Variants in IFIT3 observed in about 807,000 individuals in gnomAD.
IFIT3 encodes interferon induced protein with tetratricopeptide repeats 3.
A neutral mutation model predicts 2.4 loss-of-function variants in IFIT3; 2 were observed. The observed-to-expected ratio is 0.82, with a 90% CI of 0.34 to 2.60. The LOEUF (loss-of-function observed/expected upper bound fraction) is 2.60, where lower values mean the gene tolerates loss of function less well. Among genes scored for constraint, IFIT3 ranks in the 30% most tolerant of loss-of-function variants. The pLI is 0.11. For missense variants in IFIT3, 481 were observed against 562.4 expected (o/e 0.86, Z 1.46); for synonymous variants, 203 against 212.1 (o/e 0.96, Z 0.37).
intron 1 of IFIT3, among the ~76,000 whole-genome samples, chr10:89,333,047 G>C (rs1022565292): frequency 6.6e-6 from 1 of 152,190 alleles, no homozygotes; most frequent in African/African-American, 2.4e-5. Context: ...TTGCTTCTCA[G>C]CAAATGTGTC....
At position 89,339,729 on chromosome 10, in the gene IFIT3, A is replaced by G. The variant is rs1022747660; in HGVS notation, c.1074A>G (p.Gln358=). 5 of 1,614,096 alleles carry G rather than the reference A, an allele frequency of 3.1e-6. No individual in the cohort carries two copies. The highest frequency in any genetic ancestry group is 4.2e-6 in the Non-Finnish European group (5 of 1,180,032). ...FNKEVPDAEK[Q]QSHQRYCNLQ... ...AGGAAGTCCCTGATGCTGAAAAGCA[A>G]CAATCCCATCAGCGCTACTGCAACC... The change falls in exon 2 of 2, where the codon CAA becomes CAG. Residue 358 remains glutamine, a synonymous_variant. Transcript: ENST00000371818.
chr10:89,338,890 G>C lies in IFIT3; in HGVS notation c.235G>C (p.Glu79Gln). Residue 79 changes from glutamate to glutamine, a missense_variant, in exon 2 of 2, where the codon GAG (glutamate) becomes CAG (glutamine). Transcript: ENST00000371818. ...AALECLRQAE[E>Q]LIQQEHADQA... Reference sequence around the variant, plus strand: ...CCTGGAATGCTTACGGCAAGCTGAAGAGTTAATCCAGCAAGAACATGCTGA... The same window carrying C: ...CCTGGAATGCTTACGGCAAGCTGAACAGTTAATCCAGCAAGAACATGCTGA... 2 of 1,614,164 alleles carry C rather than the reference G, an allele frequency of 1.2e-6. No homozygotes were observed. The highest frequency in any genetic ancestry group is 8.5e-7 in the Non-Finnish European group (1 of 1,180,020).
In IFIT3 at chr10:89,328,047, G is replaced by A. The variant is rs1136864; in HGVS notation, c.-27G>A. 2.5e-6 allele frequency: 4 copies of A among 1,613,802 alleles called. No homozygotes were observed. The highest frequency in any genetic ancestry group is 2.5e-6 in the Non-Finnish European group (3 of 1,179,760). ...AAATCAGCCTGGTCACCAGCTTTTC[G>A]GAACAGCAGAGACACAGAGGGCAGT... On this transcript the variant is annotated 5_prime_UTR_variant, in exon 1 of 2. Transcript: ENST00000371818.
chr10:89,334,682 G>A (rs1337215473), intron 1 of IFIT3, among the ~76,000 whole-genome samples: 2 of 150,588 alleles, frequency 1.3e-5, no homozygotes, highest in Admixed American at 6.6e-5. Context: ...TAGTACAGGC[G>A]GGGTTTCATC....
In IFIT3 at chr10:89,338,329, G is replaced by A. The variant is rs1030492405; in HGVS notation, c.6-332G>A. 1.5e-4 allele frequency: 31 copies of A among 213,006 alleles called. 1 individual carries two copies. The highest frequency in any genetic ancestry group is 7.1e-4 in the African/African-American group (31 of 43,892). The allele number at this position is 213,006 out of a possible 1,614,324, so 13.2% of individuals were successfully genotyped here. ...GCCAATGGTGAAAGTTCTAGTCCAAGTCTAGTCTAAGGGCAGAAAAAGACC... is the reference window on the plus strand; with the variant it reads ...GCCAATGGTGAAAGTTCTAGTCCAAATCTAGTCTAAGGGCAGAAAAAGACC... On this transcript the variant is annotated intron_variant, in intron 1 of 1. Transcript: ENST00000371818.
intron 1 of IFIT3, among the ~76,000 whole-genome samples, chr10:89,330,183 G>C (rs1373844488): frequency 6.6e-6 from 1 of 152,188 alleles, no homozygotes. Flanking sequence ...CTGACAAGTG[G>C]GCACTGTGTT....
intron 1 of IFIT3, among the ~76,000 whole-genome samples, chr10:89,334,289 C>T (rs903668024): frequency 7.2e-5 from 11 of 151,962 alleles, no homozygotes; most frequent in African/African-American, 2.4e-4. Flanking sequence ...GCAGCACTAG[C>T]TTTAACTGCT....
intron 1 of IFIT3, among the ~76,000 whole-genome samples, chr10:89,329,946 G>GT (rs1370401590): frequency 6.6e-6 from 1 of 152,178 alleles, no homozygotes; most frequent in Non-Finnish European, 1.5e-5. Context: ...AAGGGGGGTT[G>GT]TTCTCTGGTG....
In IFIT3 at chr10:89,333,558, G is replaced by A. The variant is rs76823443; in HGVS notation, c.6-5103G>A. Among the ~76,000 whole-genome samples, 1,158 of 152,270 alleles carry A rather than the reference G, an allele frequency of 7.6e-3. 32 individuals carry two copies. In the East Asian group the frequency reaches 0.093, roughly 12 times the overall value. ...TTGAAATAAAGCAAAGCTTGTTTCTGGGCACAGTGGCTAAGCCTGTAATCC... is the reference window on the plus strand; with the variant it reads ...TTGAAATAAAGCAAAGCTTGTTTCTAGGCACAGTGGCTAAGCCTGTAATCC... On this transcript the variant is annotated intron_variant, in intron 1 of 1. Transcript: ENST00000371818.
At chr10:89,328,188 A>G (rs958439965) in intron 1 of IFIT3, 110 bp downstream of exon 1, 5 of 1,078,416 alleles carry the variant, frequency 4.6e-6, no homozygotes, top group Admixed American at 3.6e-5. Flanking sequence ...TATAGATTCA[A>G]TATGTCTTTA....
At chr10:89,338,334 G>A (rs1398740371) in intron 1 of IFIT3, 3 of 228,996 alleles carry the variant, frequency 1.3e-5, no homozygotes, top group Non-Finnish European at 2.6e-5. Context: ...TCCAAGTCTA[G>A]TCTAAGGGCA....
chr10:89,328,816 G>A (rs116452427), intron 1 of IFIT3, among the ~76,000 whole-genome samples: 2,933 of 152,222 alleles, frequency 0.019, 42 homozygotes, highest in African/African-American at 0.037. Context: ...CTCTAATGGT[G>A]GGAAGCAGAT....
intron 1 of IFIT3, chr10:89,332,640 T>G: frequency 6.2e-7 from 1 of 1,613,554 alleles, no homozygotes; most frequent in Non-Finnish European, 8.5e-7. Context: ...AAATAGTCCC[T>G]GCTTCTCTGA....
chr10:89,332,477 G>C, intron 1 of IFIT3: 1 of 1,530,676 alleles, frequency 6.5e-7, no homozygotes, highest in South Asian at 1.3e-5. Flanking sequence ...GGTTCCATCA[G>C]TTTCACTTTC....
rs767501165 is a variant in IFIT3, at chr10:89,339,933, G to A, written c.1278G>A (p.Lys426=). The change falls in exon 2 of 2, where the codon AAG becomes AAA. Residue 426 remains lysine (K), a synonymous_variant. Transcript: ENST00000371818. ...NYWYLQGLIH[K]QNGDLLQAAK... ...GGTATCTTCAAGGATTAATTCATAA[G>A]CAGAATGGAGATCTGCTGCAAGCAG... 7 of 1,614,192 alleles carry A rather than the reference G, an allele frequency of 4.3e-6. No individual in the cohort carries two copies. Among genetic ancestry groups the A allele is most frequent in the Middle Eastern group, 1.7e-4 (1 of 6,060 alleles).
rs10540155 is a variant in IFIT3, at chr10:89,331,858, CAA to C, written c.5+3802_5+3803del. Among the ~76,000 whole-genome samples the C allele has an allele frequency of 4.3e-3, 346 of 80,588 alleles. 1 individual carries two copies. The highest frequency in any genetic ancestry group is 0.012 in the African/African-American group (282 of 22,702). The allele number at this position is 80,588 out of a possible 152,430, so 52.9% of individuals were successfully genotyped here. ...TGGATGACAGAGTGAGATCCTGTCT[CAA>C]AAAAAAAAAAAAAAAAAAAAAGTAA... On this transcript the variant is annotated intron_variant, in intron 1 of 1. Transcript: ENST00000371818.
At chr10:89,332,432 C>G (rs12255504) in intron 1 of IFIT3, 308,338 of 1,371,944 alleles carry the variant, frequency 0.22, 35,867 homozygotes, top group African/African-American at 0.28. Context: ...CTCACAGATT[C>G]TGTTTCAGTT....
At chr10:89,328,107 C>T in intron 1 of IFIT3, 29 bp downstream of exon 1, 2 of 1,611,622 alleles carry the variant, frequency 1.2e-6, no homozygotes, top group Non-Finnish European at 1.7e-6. Flanking sequence ...CATAATCATG[C>T]TTGTTTTTGA....
chr10:89,331,737 T>C (rs1032021047), intron 1 of IFIT3, among the ~76,000 whole-genome samples: 2 of 151,358 alleles, frequency 1.3e-5, no homozygotes, highest in African/African-American at 4.9e-5. Flanking sequence ...CACGTGCCTA[T>C]AGTCTCATTG....
Sources: gnomAD v4.1 joint callset for allele counts (sites outside exome capture counted in the v4.1 genomes callset) on GRCh38, gnomAD v4.1.1 for gene constraint, MANE v1.5 for transcripts, NCBI Gene and HGNC (gene_info 2026-07-23, HGNC 2026-07-21) for gene names.